LYN: variants seen among roughly 807,000 people sequenced by gnomAD.
LYN encodes the protein tyrosine-protein kinase Lyn.
Under a neutral mutation model 65.0 loss-of-function variants are expected in LYN, and 12 were observed. That is an observed-to-expected ratio of 0.18 (90% CI 0.12 to 0.30). The LOEUF (loss-of-function observed/expected upper bound fraction) is 0.30. LYN is among the 10% of genes least tolerant of loss of function. The pLI is 1.00. For synonymous variants in LYN, 222 were observed against 221.2 expected, an observed-to-expected ratio of 1.00 and a Z score of -0.03; for missense variants, 380 against 623.2, an observed-to-expected ratio of 0.61 and a Z score of 4.16.
At chr8:55,969,899 G>A (rs1807566060) in intron 10 of LYN, 106 bp downstream of exon 10, 1 of 986,640 alleles carries the variant, frequency 1.0e-6, no homozygotes, top group Admixed American at 1.8e-5. Flanking sequence ...TCTGTTGAAT[G>A]TTTCCCAGCA....
intron 8 of LYN, among the ~76,000 whole-genome samples, chr8:55,963,857 A>G (rs991422557): frequency 1.5e-4 from 23 of 152,020 alleles, no homozygotes; most frequent in Admixed American, 1.5e-3. Flanking sequence ...TATATCATGT[A>G]TTTTCCTGCT....
intron 1 of LYN, among the ~76,000 whole-genome samples, chr8:55,911,184 T>C (rs371062876): frequency 0.8 from 5,584 of 6,952 alleles, 2,476 homozygotes; most frequent in Middle Eastern, 1. Context: ...TATATATATA[T>C]ATATACACAC....
chr8:55,960,284 T>C (rs931878573), intron 8 of LYN, among the ~76,000 whole-genome samples: 1 of 152,156 alleles, frequency 6.6e-6, no homozygotes, highest in Non-Finnish European at 1.5e-5. Context: ...TAGTACAACA[T>C]CACTACCAGG....
At chr8:55,917,802 T>G (rs188837925) in intron 1 of LYN, among the ~76,000 whole-genome samples, 1 of 152,308 alleles carries the variant, frequency 6.6e-6, no homozygotes, top group African/African-American at 2.4e-5. Context: ...GGAATATGCT[T>G]GAGATATTCA....
intron 1 of LYN, among the ~76,000 whole-genome samples, chr8:55,936,876 A>G (rs1450569272): frequency 6.6e-6 from 1 of 152,170 alleles, no homozygotes. Context: ...TGTACCTGAG[A>G]CCTTTGATTA....
intron 2 of LYN, among the ~76,000 whole-genome samples, chr8:55,942,513 G>A (rs1287240206): frequency 2.7e-5 from 4 of 150,792 alleles, no homozygotes; most frequent in Non-Finnish European, 5.9e-5. Flanking sequence ...GAGGCTGGGC[G>A]CGGTGGCTCA....
At chr8:55,932,317 G>A (rs6985030) in intron 1 of LYN, among the ~76,000 whole-genome samples, 25,931 of 152,078 alleles carry the variant, frequency 0.17, 2,543 homozygotes, top group Middle Eastern at 0.3. Flanking sequence ...AATTACTAGT[G>A]ACAGATTAAT....
chr8:55,975,166 T>C lies in LYN; in HGVS notation c.1050+5373T>C, dbSNP rs539353319. ...TGGTCAGGATGTGATGGTCCCTGAGTGGGCATTGCTTGGAGCTGATGCTTG... is the reference window on the plus strand; with the variant it reads ...TGGTCAGGATGTGATGGTCCCTGAGCGGGCATTGCTTGGAGCTGATGCTTG... On this transcript the variant is annotated intron_variant, in intron 10 of 12. Coordinates refer to ENST00000519728, the MANE Select transcript of LYN (RefSeq NM_002350.4). 7.9e-5 allele frequency among the ~76,000 whole-genome samples: 12 copies of C among 152,322 alleles called. No individual in the cohort carries two copies. The Middle Eastern group carries it at 0.024, about 302-fold the overall frequency.
At chr8:55,901,458 T>C (rs1184967439) in intron 1 of LYN, among the ~76,000 whole-genome samples, 1 of 152,220 alleles carries the variant, frequency 6.6e-6, no homozygotes, top group Non-Finnish European at 1.5e-5. Flanking sequence ...TTTAGACTCC[T>C]TCTTGGGCTC....
At chr8:55,975,346 G>A (rs1239849373) in intron 10 of LYN, among the ~76,000 whole-genome samples, 1 of 152,200 alleles carries the variant, frequency 6.6e-6, no homozygotes, top group African/African-American at 2.4e-5. Context: ...ACCTGCTTCT[G>A]CATGGGGAAA....
At chr8:55,937,705 G>GT (rs1344132566) in intron 1 of LYN, among the ~76,000 whole-genome samples, 3 of 151,976 alleles carry the variant, frequency 2.0e-5, no homozygotes, top group Non-Finnish European at 4.4e-5. Flanking sequence ...GTTTTGTTTT[G>GT]TTTTTTTGAT....
chr8:55,955,630 A>G (rs2130502039), intron 8 of LYN, among the ~76,000 whole-genome samples: 1 of 152,262 alleles, frequency 6.6e-6, no homozygotes, highest in African/African-American at 2.4e-5. Flanking sequence ...TACTTTCAAA[A>G]TGTTTTTATC....
In LYN at chr8:55,966,908, C is replaced by T. The variant is rs745804098; in HGVS notation, c.973+11C>T. 2 of 1,610,342 alleles carry T rather than the reference C, an allele frequency of 1.2e-6. No homozygotes were observed. The highest frequency in any genetic ancestry group is 2.7e-5 in the African/African-American group (2 of 74,834). ...AGTACATGGCCAAGGGTGAGTTCCT[C>T]CCACTGCCCAGAGCTTGCAAGGGCT... On this transcript the variant is annotated intron_variant, in intron 9 of 12. Coordinates refer to ENST00000519728, the MANE Select transcript of LYN (RefSeq NM_002350.4).
intron 8 of LYN, among the ~76,000 whole-genome samples, chr8:55,964,569 T>C (rs28452438): frequency 6.6e-6 from 1 of 152,160 alleles, no homozygotes; most frequent in Non-Finnish European, 1.5e-5. Context: ...AATCATTTTT[T>C]AAAAAGTACA....
chr8:55,935,970 T>A (rs1404846034), intron 1 of LYN, among the ~76,000 whole-genome samples: 1 of 152,144 alleles, frequency 6.6e-6, no homozygotes, highest in Non-Finnish European at 1.5e-5. Context: ...GAGAAAGCAT[T>A]CAACTCTTCT....
At chr8:55,882,036 G>A (rs573741872) in intron 1 of LYN, among the ~76,000 whole-genome samples, 15 of 152,266 alleles carry the variant, frequency 9.9e-5, no homozygotes, top group Non-Finnish European at 1.0e-4. Flanking sequence ...TTTCTAAAAC[G>A]GGGATTTGAG....
At chr8:55,914,733 T>C (rs1168674441) in intron 1 of LYN, among the ~76,000 whole-genome samples, 1 of 152,222 alleles carries the variant, frequency 6.6e-6, no homozygotes, top group Admixed American at 6.5e-5. Flanking sequence ...ACAGTTTCAC[T>C]ACAATATCCA....
chr8:55,880,394 C>A (rs772468930), intron 1 of LYN, among the ~76,000 whole-genome samples: 2 of 149,640 alleles, frequency 1.3e-5, no homozygotes, highest in Non-Finnish European at 1.5e-5. Flanking sequence ...GAGGTGCGGG[C>A]GCGGGGGCGG....
chr8:55,944,316 C>T (rs553652164), intron 2 of LYN, among the ~76,000 whole-genome samples: 15 of 152,010 alleles, frequency 9.9e-5, no homozygotes, highest in African/African-American at 2.9e-4. Flanking sequence ...AGAACCATAT[C>T]ATATATAAAT....
Sources: gnomAD v4.1 joint callset for allele counts (sites outside exome capture counted in the v4.1 genomes callset) on GRCh38, gnomAD v4.1.1 for gene constraint, MANE v1.5 for transcripts, NCBI Gene and HGNC (gene_info 2026-07-23, HGNC 2026-07-21) for gene names.